SCG5: variants seen among roughly 807,000 people sequenced by gnomAD.
SCG5 encodes neuroendocrine protein 7B2.
Under a neutral mutation model 25.7 loss-of-function variants are expected in SCG5, and 18 were observed. That is an observed-to-expected ratio of 0.70 (90% CI 0.48 to 1.04). SCG5 has a LOEUF of 1.04. Ranked by LOEUF, SCG5 falls within the 50% of genes least tolerant of loss-of-function variation. The probability of loss-of-function intolerance (pLI) is 0.00; values close to 1 mark genes in which losing one functional copy is unlikely to be tolerated. For missense variants in SCG5, 206 were observed against 259.8 expected (o/e 0.79, Z 1.42); for synonymous variants, 101 against 91.7 (o/e 1.10, Z -0.58).
At chr15:32,644,239 A>G (rs1055327212) in intron 2 of SCG5, among the ~76,000 whole-genome samples, 2 of 152,198 alleles carry the variant, frequency 1.3e-5, no homozygotes, top group African/African-American at 4.8e-5. Flanking sequence ...GTGTCATCAG[A>G]TAGCTGCCTT....
At chr15:32,672,709 GCT>G (rs1342186773) in intron 2 of SCG5, among the ~76,000 whole-genome samples, 1 of 152,110 alleles carries the variant, frequency 6.6e-6, no homozygotes, top group Admixed American at 6.5e-5. Context: ...CCTCGTGGGG[GCT>G]CTCTCAGTGC....
chr15:32,695,102 G>A (rs368854871), intron 5 of SCG5, among the ~76,000 whole-genome samples: 9 of 150,660 alleles, frequency 6.0e-5, no homozygotes, highest in East Asian at 2.0e-4. Flanking sequence ...TGCAAGCTCC[G>A]CCTCCCAGGT....
chr15:32,691,355 A>G (rs1177263753), intron 4 of SCG5, among the ~76,000 whole-genome samples: 1 of 152,234 alleles, frequency 6.6e-6, no homozygotes, highest in Non-Finnish European at 1.5e-5. Flanking sequence ...AGGGAGTTAG[A>G]TACAAAAATA....
At chr15:32,669,870 A>G (rs555904563) in intron 2 of SCG5, among the ~76,000 whole-genome samples, 3 of 84,976 alleles carry the variant, frequency 3.5e-5, no homozygotes, top group South Asian at 2.9e-4. Flanking sequence ...ACCGCTTCAG[A>G]AAAAAAAAAA....
intron 1 of SCG5, 115 bp from the exon 2 acceptor site, chr15:32,643,471 A>C (rs1175938876): frequency 2.6e-6 from 2 of 774,794 alleles, no homozygotes; most frequent in East Asian, 5.0e-5. Flanking sequence ...TCTTTGTTAC[A>C]ACCCCTTTCT....
At chr15:32,664,631 C>T (rs986479913) in intron 2 of SCG5, among the ~76,000 whole-genome samples, 6 of 152,162 alleles carry the variant, frequency 3.9e-5, no homozygotes, top group African/African-American at 1.4e-4. Context: ...AAGCAGTCTG[C>T]GCCCATGAGG....
chr15:32,696,321 G>T (rs986449252), intron 5 of SCG5, among the ~76,000 whole-genome samples, 193 bp from the exon 6 acceptor site: 1 of 152,058 alleles, frequency 6.6e-6, no homozygotes, highest in Non-Finnish European at 1.5e-5. Context: ...GTTTCACCGT[G>T]TTAGCCAGGA....
At chr15:32,645,325 C>T (rs114562347) in intron 2 of SCG5, among the ~76,000 whole-genome samples, 1 of 152,324 alleles carries the variant, frequency 6.6e-6, no homozygotes, top group African/African-American at 2.4e-5. Flanking sequence ...ACAGCCACTC[C>T]CGGGGCATCA....
chr15:32,658,547 C>G (rs1311744582), intron 2 of SCG5, among the ~76,000 whole-genome samples: 1 of 152,140 alleles, frequency 6.6e-6, no homozygotes, highest in Non-Finnish European at 1.5e-5. Context: ...GCATTTAAGG[C>G]TGTCGCCAAG....
chr15:32,650,796 A>T (rs928168535), intron 2 of SCG5, among the ~76,000 whole-genome samples: 16 of 152,254 alleles, frequency 1.1e-4, no homozygotes, highest in Non-Finnish European at 1.6e-4. Context: ...GCCACCAGCT[A>T]TCTAGCACTG....
At chr15:32,682,527 T>C (rs2054637668) in intron 3 of SCG5, among the ~76,000 whole-genome samples, 1 of 152,228 alleles carries the variant, frequency 6.6e-6, no homozygotes, top group Non-Finnish European at 1.5e-5. Flanking sequence ...CTCTAGTCTG[T>C]GCACTTAGGA....
At chr15:32,691,458 C>T (rs1463643700) in intron 4 of SCG5, among the ~76,000 whole-genome samples, 2 of 152,148 alleles carry the variant, frequency 1.3e-5, no homozygotes, top group African/African-American at 2.4e-5. Flanking sequence ...TCGTATTTCC[C>T]TGTTTATGTG....
chr15:32,685,290 T>G (rs2140584914), intron 4 of SCG5, among the ~76,000 whole-genome samples: 1 of 152,348 alleles, frequency 6.6e-6, no homozygotes, highest in African/African-American at 2.4e-5. Context: ...CTTGCCAATC[T>G]AATTATATTC....
chr15:32,686,504 G>C (rs1175773190), intron 4 of SCG5, among the ~76,000 whole-genome samples: 2 of 152,084 alleles, frequency 1.3e-5, no homozygotes, highest in African/African-American at 4.8e-5. Flanking sequence ...GATATGTCAG[G>C]TTCATATGAA....
intron 3 of SCG5, 31 bp downstream of exon 3, chr15:32,679,946 A>C: frequency 6.4e-7 from 1 of 1,562,342 alleles, no homozygotes; most frequent in African/African-American, 1.4e-5. Context: ...TTCCCATGAA[A>C]AGTTGGGGCT....
In SCG5 at chr15:32,685,446, C is replaced by G. The variant is rs540703908; in HGVS notation, c.489+777C>G. The stretch of plus-strand genomic sequence containing the variant: ...AGGTGGAAAGATACAGCCTAGGCAA[C>G]AGAATGTCACCAAAATGGGGCTTGT... On this transcript the variant is annotated intron_variant, in intron 4 of 5. Coordinates refer to ENST00000300175, the MANE Select transcript of SCG5 (RefSeq NM_001144757.3). Among the ~76,000 whole-genome samples the G allele has an allele frequency of 3.9e-5, 6 of 152,254 alleles. No individual in the cohort carries two copies. The South Asian group carries it at 1.2e-3, about 32-fold the overall frequency.
At chr15:32,690,554 G>T (rs1256366413) in intron 4 of SCG5, among the ~76,000 whole-genome samples, 1 of 152,156 alleles carries the variant, frequency 6.6e-6, no homozygotes, top group South Asian at 2.1e-4. Flanking sequence ...AGCCAGTACT[G>T]GTGTTTTTGG....
intron 2 of SCG5, among the ~76,000 whole-genome samples, chr15:32,659,340 T>C (rs1481662930): frequency 6.6e-6 from 1 of 152,208 alleles, no homozygotes; most frequent in Non-Finnish European, 1.5e-5. Context: ...ACATATTTGA[T>C]TATAAGCTCC....
Position 32,684,539 on chromosome 15 carries a change from A to T in SCG5, c.377-18A>T. 2 of 1,536,694 alleles carry T rather than the reference A, an allele frequency of 1.3e-6. No homozygotes were observed. Among genetic ancestry groups the T allele is most frequent in the Non-Finnish European group, 1.8e-6 (2 of 1,113,328 alleles). ...TGAATGTCTTGGCCGTTCCTCAAAAACCTTTGGCTGTTTGCAGCAGATGAT... is the reference window on the plus strand; with the variant it reads ...TGAATGTCTTGGCCGTTCCTCAAAATCCTTTGGCTGTTTGCAGCAGATGAT... On this transcript the variant is annotated intron_variant, in intron 3 of 5. Transcript: ENST00000300175.
Sources: allele counts gnomAD v4.1 joint callset (sites outside exome capture counted in the v4.1 genomes callset), GRCh38; gene constraint gnomAD v4.1.1; transcripts MANE v1.5; gene names NCBI Gene and HGNC (gene_info 2026-07-23, HGNC 2026-07-21).